RAB43: variants seen among roughly 807,000 people sequenced by gnomAD.
RAB43 encodes the protein RAB43, member RAS oncogene family, also known as ras-related protein Rab-43.
RAB43 carries 6 observed loss-of-function variants against 18.8 expected under a neutral mutation model. That is an observed-to-expected ratio of 0.32 (90% CI 0.17 to 0.63). The LOEUF (loss-of-function observed/expected upper bound fraction) is 0.63, where lower values mean the gene tolerates loss of function less well. RAB43 is among the 30% of genes least tolerant of loss of function. The pLI, the probability that RAB43 is intolerant of heterozygous loss-of-function variation, is 0.79. For synonymous variants in RAB43, 103 were observed against 124.1 expected, an observed-to-expected ratio of 0.83 and a Z score of 1.13; for missense variants, 195 against 289.1, an observed-to-expected ratio of 0.67 and a Z score of 2.36.
In RAB43 at chr3:129,121,303, G is replaced by A; in HGVS notation, c.187C>T (p.Gln63Ter). Residue 63 changes from glutamine (Q) to a stop codon, truncating the protein, a stop_gained, in exon 1 of 3, where the codon CAG becomes TAG. Coordinates refer to ENST00000315150, the MANE Select transcript of RAB43 (RefSeq NM_198490.3). LOFTEE classifies it high-confidence loss of function. ...CCTCCCACCTTGACCCGCTTGCCCT[G>A]GATCTCCAGCGTCTTCATGGTGAAG... Reference protein sequence around the residue: ...VDFTMKTLEIQGKRVKLQIWD... With the variant: ...VDFTMKTLEI 1 of 1,607,540 alleles carries A rather than the reference G, an allele frequency of 6.2e-7. No homozygotes were observed. Among genetic ancestry groups the A allele is most frequent in the Non-Finnish European group, 8.5e-7 (1 of 1,177,334 alleles).
rs759424436 is a variant in RAB43 at position 129,121,260 on chromosome 3, T to C, written c.204+26A>G. 4 of 1,571,424 alleles carry C rather than the reference T, an allele frequency of 2.5e-6. No individual in the cohort carries two copies. The African/African-American group carries it at 5.4e-5, about 21-fold the overall frequency. On this transcript the variant is annotated intron_variant, in intron 1 of 2. Transcript: ENST00000315150. Reference sequence around the variant, plus strand: ...CGCCCCACCCTCCGAGGGAGCGCCTTCCAGGGGCCCTGGCCGGCCTCCCAC... The same window carrying C: ...CGCCCCACCCTCCGAGGGAGCGCCTCCCAGGGGCCCTGGCCGGCCTCCCAC...
At chr3:129,113,183 C>G (rs1334202942) in intron 1 of RAB43, among the ~76,000 whole-genome samples, 2 of 129,210 alleles carry the variant, frequency 1.5e-5, no homozygotes, top group Admixed American at 1.6e-4. Context: ...TTTTTTTTTT[C>G]GAGATGGAGT....
intron 1 of RAB43, among the ~76,000 whole-genome samples, chr3:129,106,948 G>A (rs1266428980): frequency 2.0e-5 from 3 of 152,194 alleles, no homozygotes; most frequent in African/African-American, 4.8e-5. Flanking sequence ...GGCCCTGTCA[G>A]CTTCTCGCAG....
At chr3:129,119,254 A>C (rs1935744128) in intron 1 of RAB43, among the ~76,000 whole-genome samples, 1 of 152,202 alleles carries the variant, frequency 6.6e-6, no homozygotes, top group South Asian at 2.1e-4. Context: ...CCTGACTCGA[A>C]GGACAGTGTT....
intron 1 of RAB43, among the ~76,000 whole-genome samples, chr3:129,096,845 G>A (rs776458025): frequency 1.3e-5 from 2 of 152,186 alleles, no homozygotes; most frequent in Non-Finnish European, 2.9e-5. Flanking sequence ...AGGTGCGGTG[G>A]CTCAAGCCTG....
intron 1 of RAB43, among the ~76,000 whole-genome samples, chr3:129,097,375 C>G (rs1056493405): frequency 6.6e-6 from 1 of 152,148 alleles, no homozygotes; most frequent in Non-Finnish European, 1.5e-5. Context: ...AGACAGCCAA[C>G]AAAACAATGC....
At chr3:129,105,506 C>T (rs577437339) in intron 1 of RAB43, among the ~76,000 whole-genome samples, 3 of 151,310 alleles carry the variant, frequency 2.0e-5, no homozygotes, top group East Asian at 2.0e-4. Flanking sequence ...CAGGGCCAGG[C>T]GCAGTGGCTC....
intron 1 of RAB43, among the ~76,000 whole-genome samples, chr3:129,111,032 C>T (rs1267155466): frequency 6.6e-6 from 1 of 152,066 alleles, no homozygotes; most frequent in Non-Finnish European, 1.5e-5. Flanking sequence ...TGGCCCCAAG[C>T]CTATCTGGTC....
chr3:129,105,550 G>A (rs1363579298), intron 1 of RAB43, among the ~76,000 whole-genome samples: 3 of 116,432 alleles, frequency 2.6e-5, no homozygotes, highest in Non-Finnish European at 3.6e-5. Context: ...GGAGGCCAAG[G>A]CAGGCAAATC....
intron 1 of RAB43, among the ~76,000 whole-genome samples, chr3:129,115,844 A>G (rs1935489699): frequency 1.3e-5 from 2 of 152,148 alleles, no homozygotes; most frequent in Admixed American, 6.5e-5. Context: ...AAAATATTAA[A>G]TGGTAGATTC....
chr3:129,091,230 C>A lies in RAB43; in HGVS notation c.505G>T (p.Val169Leu). Reference protein sequence around the residue: ...IETSAKDSSNVEEAFLRVATE... With the variant: ...IETSAKDSSNLEEAFLRVATE... Reference sequence around the variant, plus strand: ...GCCACCCTCAGGAAGGCCTCCTCCACGTTGCTCGAGTCCTTGGCAGACGTC... The same window carrying A: ...GCCACCCTCAGGAAGGCCTCCTCCAAGTTGCTCGAGTCCTTGGCAGACGTC... Residue 169 changes from valine (V) to leucine (L), a missense_variant, in exon 3 of 3, where the codon GTG becomes TTG. Val to Leu is a conservative substitution (Grantham distance 32). Transcript: ENST00000315150. 1 of 1,595,170 alleles carries A rather than the reference C, an allele frequency of 6.3e-7. No individual in the cohort carries two copies. Among genetic ancestry groups the A allele is most frequent in the Non-Finnish European group, 8.6e-7 (1 of 1,169,336 alleles).
At chr3:129,097,702 G>A (rs529130864) in intron 1 of RAB43, among the ~76,000 whole-genome samples, 11 of 152,268 alleles carry the variant, frequency 7.2e-5, no homozygotes, top group Admixed American at 2.0e-4. Flanking sequence ...ACTTGGAGCC[G>A]GTCAGAGGGC....
At chr3:129,118,553 A>G (rs1229926517) in intron 1 of RAB43, among the ~76,000 whole-genome samples, 1 of 152,154 alleles carries the variant, frequency 6.6e-6, no homozygotes, top group Non-Finnish European at 1.5e-5. Flanking sequence ...CCACCAGGTG[A>G]TCCATCTCTA....
chr3:129,094,834 A>C, intron 2 of RAB43, 152 bp downstream of exon 2: 2 of 1,094,018 alleles, frequency 1.8e-6, no homozygotes, highest in Non-Finnish European at 2.5e-6. Context: ...TAACTTTCTA[A>C]GTGATTAGCA....
chr3:129,106,186 T>C (rs1289712289), intron 1 of RAB43, among the ~76,000 whole-genome samples: 1 of 152,102 alleles, frequency 6.6e-6, no homozygotes, highest in Non-Finnish European at 1.5e-5. Flanking sequence ...TCCCTCCCAA[T>C]GGAAACAGAG....
intron 1 of RAB43, among the ~76,000 whole-genome samples, chr3:129,116,812 C>T (rs539850310): frequency 1.1e-4 from 16 of 152,042 alleles, no homozygotes; most frequent in Non-Finnish European, 2.1e-4. Flanking sequence ...GACTTGAGGC[C>T]GGTGTGCCTA....
intron 1 of RAB43, among the ~76,000 whole-genome samples, chr3:129,111,842 C>A (rs1935192343): frequency 6.6e-6 from 1 of 151,984 alleles, no homozygotes; most frequent in South Asian, 2.1e-4. Context: ...AATATATAAA[C>A]ATGACAGATA....
intron 1 of RAB43, among the ~76,000 whole-genome samples, chr3:129,100,882 C>T (rs116797838): frequency 1.1e-3 from 160 of 152,336 alleles, no homozygotes; most frequent in African/African-American, 3.7e-3. Context: ...TCTCTGCTCA[C>T]CGCAACCTCT....
rs1399440380 is a variant in RAB43, at chr3:129,121,513, G to A, written c.-24C>T. 8 of 1,578,148 alleles carry A rather than the reference G, an allele frequency of 5.1e-6. No homozygotes were observed. In the East Asian group the frequency reaches 9.2e-5, roughly 18 times the overall value. On this transcript the variant is annotated 5_prime_UTR_variant, in exon 1 of 3. Coordinates refer to ENST00000315150, the MANE Select transcript of RAB43 (RefSeq NM_198490.3). ...ATGGCCTAGAAGAAGCCGAAGGGCC[G>A]GCGCTCTGGACGCTGGGACCGGCCT...
Sources: allele counts gnomAD v4.1 joint callset (sites outside exome capture counted in the v4.1 genomes callset), GRCh38; gene constraint gnomAD v4.1.1; transcripts MANE v1.5; gene names NCBI Gene and HGNC (gene_info 2026-07-23, HGNC 2026-07-21).